DCC: variants seen among roughly 807,000 people sequenced by gnomAD.
DCC encodes DCC netrin 1 receptor, also known as netrin receptor DCC.
In DCC, 58 loss-of-function variants were observed where a neutral mutation model predicts 172.5. The observed-to-expected ratio is 0.34, with a 90% CI of 0.27 to 0.42. The LOEUF (loss-of-function observed/expected upper bound fraction) is 0.42. DCC is among the 10% of genes least tolerant of loss of function. DCC has a pLI of 1.00. For missense variants in DCC, 1,740 were observed against 1,791.0 expected, an observed-to-expected ratio of 0.97 and a Z score of 0.51; for synonymous variants, 709 against 644.5, an observed-to-expected ratio of 1.10 and a Z score of -1.52.
intron 5 of DCC, among the ~76,000 whole-genome samples, chr18:53,052,397 T>C (rs1325168853): frequency 2.0e-5 from 3 of 151,980 alleles, no homozygotes; most frequent in Non-Finnish European, 4.4e-5. Flanking sequence ...TCCCTCCCCA[T>C]CCCCCCTTTT....
At chr18:53,529,032 TCTCTCTCACACACACACA>T (rs1442827269) in intron 28 of DCC, among the ~76,000 whole-genome samples, 9 of 65,198 alleles carry the variant, frequency 1.4e-4, no homozygotes, top group African/African-American at 6.8e-4. Flanking sequence ...TCTCTCTCTC[TCTCTCTCACACACACACA>T]CACACACACA....
At chr18:53,011,585 C>T (rs182940714) in intron 5 of DCC, among the ~76,000 whole-genome samples, 93 of 151,766 alleles carry the variant, frequency 6.1e-4, no homozygotes, top group Non-Finnish European at 1.1e-3. Flanking sequence ...GGAAGACTTA[C>T]AACATTGAGA....
At chr18:53,206,146 T>A (rs367680187) in intron 10 of DCC, among the ~76,000 whole-genome samples, 4 of 94 alleles carry the variant, frequency 0.043, no homozygotes, top group African/African-American at 0.062. Context: ...ATATATTATA[T>A]ATTATATAAT....
chr18:53,403,032 G>A, intron 19 of DCC, 139 bp downstream of exon 19: 1 of 696,174 alleles, frequency 1.4e-6, no homozygotes, highest in Non-Finnish European at 2.7e-6. Flanking sequence ...CTTTTTGATT[G>A]TTTCTTCTTT....
chr18:52,496,749 T>C (rs1420971352), intron 1 of DCC, among the ~76,000 whole-genome samples: 1 of 152,184 alleles, frequency 6.6e-6, no homozygotes, highest in Admixed American at 6.6e-5. Flanking sequence ...GTCATTTATT[T>C]TGTAGCCTTT....
At chr18:52,667,256 C>T (rs974644542) in intron 1 of DCC, among the ~76,000 whole-genome samples, 8 of 152,150 alleles carry the variant, frequency 5.3e-5, no homozygotes, top group Non-Finnish European at 5.9e-5. Context: ...TGGTTTGCCC[C>T]AACCCCCAAA....
chr18:52,880,732 T>C (rs1468183072), intron 2 of DCC, among the ~76,000 whole-genome samples: 2 of 152,238 alleles, frequency 1.3e-5, no homozygotes, highest in East Asian at 3.8e-4. Context: ...ATTATGCATA[T>C]GTACCACATT....
At chr18:52,933,318 A>G (rs368038775) in intron 5 of DCC, among the ~76,000 whole-genome samples, 2 of 151,936 alleles carry the variant, frequency 1.3e-5, no homozygotes, top group Admixed American at 1.3e-4. Flanking sequence ...GACAAGAAGC[A>G]GGCAATTGCT....
rs2054762272 is a variant in DCC, at chr18:53,157,517, G to A, written c.1418+5G>A. 6.2e-7 allele frequency: 1 copy of A among 1,613,646 alleles called. No homozygotes were observed. The highest frequency in any genetic ancestry group is 1.1e-5 in the South Asian group (1 of 91,078). On this transcript the variant is annotated splice_donor_5th_base_variant and intron_variant, in intron 8 of 28. Transcript: ENST00000442544. ...CTCCAGAGAAGGTGACAACAGGTAG[G>A]TGATGCTACCAATAAAATTCAGCTT... is the stretch of plus-strand genomic sequence containing the variant.
intron 7 of DCC, among the ~76,000 whole-genome samples, chr18:53,145,415 G>A (rs1242464807): frequency 6.6e-6 from 1 of 152,130 alleles, no homozygotes; most frequent in African/African-American, 2.4e-5. Flanking sequence ...ACCCAGCCCA[G>A]GGCTCTGCTT....
chr18:52,990,024 A>G (rs1402253637), intron 5 of DCC, among the ~76,000 whole-genome samples: 1 of 152,178 alleles, frequency 6.6e-6, no homozygotes, highest in Admixed American at 6.5e-5. Flanking sequence ...TAATTACTGG[A>G]TCTCCAGCAC....
chr18:52,714,832 G>C (rs17756205), intron 1 of DCC, among the ~76,000 whole-genome samples: 14,894 of 152,054 alleles, frequency 0.098, 877 homozygotes, highest in East Asian at 0.24. Context: ...GAAATGTTAC[G>C]GATATAAAAG....
intron 21 of DCC, among the ~76,000 whole-genome samples, chr18:53,429,561 A>G (rs1044003456): frequency 3.3e-5 from 5 of 152,064 alleles, no homozygotes; most frequent in East Asian, 1.9e-4. Context: ...TGGCCTAAAT[A>G]CAGAAATTGG....
At chr18:53,409,234 A>G (rs542508672) in intron 19 of DCC, among the ~76,000 whole-genome samples, 26 of 152,302 alleles carry the variant, frequency 1.7e-4, no homozygotes, top group African/African-American at 5.5e-4. Flanking sequence ...CATAGTGTGC[A>G]TGGCTATTTT....
chr18:53,372,086 A>C (rs1239607320), intron 15 of DCC, among the ~76,000 whole-genome samples: 2 of 152,126 alleles, frequency 1.3e-5, no homozygotes, highest in Admixed American at 1.3e-4. Flanking sequence ...GAGAATTACC[A>C]TTTGACTGAG....
chr18:53,460,287 T>TGG (rs577618911), intron 24 of DCC, among the ~76,000 whole-genome samples: 1 of 127,672 alleles, frequency 7.8e-6, no homozygotes, highest in South Asian at 2.6e-4. Flanking sequence ...TTTTTTTTTT[T>TGG]TTTTTTTTTT....
chr18:52,365,522 T>TG (rs35678588), intron 1 of DCC, among the ~76,000 whole-genome samples: 23,690 of 151,706 alleles, frequency 0.16, 1,961 homozygotes, highest in South Asian at 0.25. Context: ...GCCAATTGCT[T>TG]GGGTGGGGTT....
At chr18:52,737,751 G>A (rs2036751672) in intron 1 of DCC, among the ~76,000 whole-genome samples, 1 of 152,134 alleles carries the variant, frequency 6.6e-6, no homozygotes. Flanking sequence ...CATTTAGTAG[G>A]TGTTTGATAA....
chr18:53,005,254 A>G (rs2041627065), intron 5 of DCC, among the ~76,000 whole-genome samples: 1 of 152,200 alleles, frequency 6.6e-6, no homozygotes, highest in African/African-American at 2.4e-5. Context: ...GCAGTTATCT[A>G]TTTAACTGAA....
Sources: gnomAD v4.1 joint callset for allele counts (sites outside exome capture counted in the v4.1 genomes callset) on GRCh38, gnomAD v4.1.1 for gene constraint, MANE v1.5 for transcripts, NCBI Gene and HGNC (gene_info 2026-07-23, HGNC 2026-07-21) for gene names.